Variants in C5orf22 observed in about 807,000 individuals in gnomAD.
C5orf22 encodes the protein chromosome 5 open reading frame 22, also known as UPF0489 protein C5orf22.
Under a neutral mutation model 48.7 loss-of-function variants are expected in C5orf22, and 36 were observed. The ratio of observed to expected loss-of-function variants is 0.74; its 90% CI spans 0.57 to 0.98. The LOEUF (loss-of-function observed/expected upper bound fraction) is 0.98. C5orf22 is among the 50% of genes least tolerant of loss of function. The probability of loss-of-function intolerance (pLI) is 0.00; values close to 1 mark genes in which losing one functional copy is unlikely to be tolerated. For missense variants in C5orf22, 486 were observed against 521.9 expected (o/e 0.93, Z 0.67); for synonymous variants, 141 against 180.8 (o/e 0.78, Z 1.76).
rs750859772 is a variant in C5orf22 at position 31,551,293 on chromosome 5, G to C, written c.1060G>C (p.Val354Leu). 2 of 1,612,458 alleles carry C rather than the reference G, an allele frequency of 1.2e-6. No individual in the cohort carries two copies. The highest frequency in any genetic ancestry group is 1.7e-6 in the Non-Finnish European group (2 of 1,179,580). ...KRMEVPDYEM[V>L]HQAGLTCDYS... ...TAATTTTTAATTGTCTTATTTTCAG[G>C]TTCACCAGGCTGGTTTAACCTGCGA... The change falls in exon 8 of 9, where the codon GTT (valine) becomes CTT (leucine). Residue 354 changes from valine to leucine, a missense_variant and splice_region_variant. By Grantham distance (32) the Val-to-Leu change is conservative. Transcript: ENST00000325366.
At position 31,554,256 on chromosome 5, in the gene C5orf22, G is replaced by A. The variant is rs575651719; in HGVS notation, c.*1354G>A. On this transcript the variant is annotated 3_prime_UTR_variant, in exon 9 of 9. Coordinates refer to ENST00000325366, the MANE Select transcript of C5orf22 (RefSeq NM_018356.3). ...TTTTCACTCTTGCTTGTAACTTTCA[G>A]GCCTTACCCACATGTGTTCCTATAG... The A allele has an allele frequency of 6.6e-6, 1 of 152,244 alleles. No individual in the cohort carries two copies. The highest frequency in any genetic ancestry group is 1.5e-5 in the Non-Finnish European group (1 of 68,024). 9.4% of individuals were successfully genotyped at this position (152,244 alleles called of 1,614,324 possible). A position where few individuals can be genotyped will look rare whatever the true frequency, so the allele number is the denominator to read the frequency against.
chr5:31,552,453 C>A (rs548202758), intron 8 of C5orf22, among the ~76,000 whole-genome samples: 99 of 152,318 alleles, frequency 6.5e-4, no homozygotes, highest in African/African-American at 2.3e-3. Flanking sequence ...CAACATCTCA[C>A]TTTCAGGCAA....
intron 6 of C5orf22, 138 bp downstream of exon 6, chr5:31,541,540 G>A (rs1742470921): frequency 1.2e-6 from 1 of 824,786 alleles, no homozygotes; most frequent in African/African-American, 1.7e-5. Context: ...AGGACCACTT[G>A]AGGCCAGGAG....
chr5:31,534,521 G>T, intron 2 of C5orf22, 104 bp downstream of exon 2: 1 of 1,054,704 alleles, frequency 9.5e-7, no homozygotes, highest in Non-Finnish European at 1.4e-6. Flanking sequence ...TGGGTTTGGG[G>T]GTTTTTTGTT....
chr5:31,541,462 C>G, intron 6 of C5orf22, 60 bp downstream of exon 6: 2 of 1,561,760 alleles, frequency 1.3e-6, no homozygotes, highest in Non-Finnish European at 1.7e-6. Flanking sequence ...TAGATATGTT[C>G]CTAAATTTGC....
At chr5:31,550,804 C>T (rs1225119527) in intron 7 of C5orf22, among the ~76,000 whole-genome samples, 10 of 152,206 alleles carry the variant, frequency 6.6e-5, no homozygotes, top group Non-Finnish European at 8.8e-5. Flanking sequence ...TCAGGTGATC[C>T]GCCTGTCTCA....
chr5:31,542,780 T>C (rs1212883149), intron 6 of C5orf22, among the ~76,000 whole-genome samples: 1 of 152,204 alleles, frequency 6.6e-6, no homozygotes, highest in Non-Finnish European at 1.5e-5. Flanking sequence ...AGACAAACTT[T>C]TTGTCCCCAT....
chr5:31,533,015 C>T (rs1741709066), intron 1 of C5orf22, among the ~76,000 whole-genome samples: 1 of 152,008 alleles, frequency 6.6e-6, no homozygotes, highest in East Asian at 1.9e-4. Context: ...AGTGCAGTGG[C>T]GCGATCTCGG....
chr5:31,536,802 T>C (rs902393624), intron 3 of C5orf22, among the ~76,000 whole-genome samples: 1 of 152,196 alleles, frequency 6.6e-6, no homozygotes, highest in Non-Finnish European at 1.5e-5. Flanking sequence ...AATATCAATA[T>C]GTTCTTGACT....
At chr5:31,541,117 TG>T in intron 5 of C5orf22, 106 bp downstream of exon 5, 1 of 810,028 alleles carries the variant, frequency 1.2e-6, no homozygotes, top group Middle Eastern at 3.5e-4. Flanking sequence ...TGTGTGTGTG[TG>T]TGTGTGTGTG....
intron 7 of C5orf22, among the ~76,000 whole-genome samples, chr5:31,550,001 G>A (rs966985643): frequency 6.6e-6 from 1 of 152,072 alleles, no homozygotes; most frequent in South Asian, 2.1e-4. Flanking sequence ...TTTTTGGGGG[G>A]CAGGGAATGG....
At chr5:31,543,750 T>G (rs1442563799) in intron 6 of C5orf22, among the ~76,000 whole-genome samples, 4 of 152,104 alleles carry the variant, frequency 2.6e-5, no homozygotes, top group African/African-American at 9.7e-5. Flanking sequence ...AGTCTCAAGC[T>G]AAGTTTAAAA....
Position 31,552,997 on chromosome 5 carries a change from T to C in C5orf22, c.*95T>C. 9.3e-7 allele frequency: 1 copy of C among 1,072,070 alleles called. No homozygotes were observed. The highest frequency in any genetic ancestry group is 2.5e-5 in the East Asian group (1 of 40,606). The allele number at this position is 1,072,070 out of a possible 1,614,324, so 66.4% of individuals were successfully genotyped here. ...ATGAGTCTTCCAGAGAACACTGTTT[T>C]ATATTAACTTTCAGTTGAAATCTTT... On this transcript the variant is annotated 3_prime_UTR_variant, in exon 9 of 9. Transcript: ENST00000325366.
intron 4 of C5orf22, among the ~76,000 whole-genome samples, chr5:31,540,538 G>C (rs1580444410): frequency 6.6e-6 from 1 of 152,114 alleles, no homozygotes; most frequent in Non-Finnish European, 1.5e-5. Flanking sequence ...GTTCTTTGTT[G>C]TTGTTATTAA....
intron 4 of C5orf22, among the ~76,000 whole-genome samples, chr5:31,539,007 A>G (rs1445552345): frequency 6.6e-6 from 1 of 152,222 alleles, no homozygotes; most frequent in Non-Finnish European, 1.5e-5. Context: ...CATACAGTAC[A>G]GGTATATACA....
At position 31,552,760 on chromosome 5, in the gene C5orf22, C is replaced by A. The variant is rs1743361738; in HGVS notation, c.1200-13C>A. 6.2e-7 allele frequency: 1 copy of A among 1,609,600 alleles called. No individual in the cohort carries two copies. Among genetic ancestry groups the A allele is most frequent in the Non-Finnish European group, 8.5e-7 (1 of 1,177,722 alleles). ...ATGTGTATTTTTCTTCTTTCTCTTT[C>A]TGTTGGTTCTAGGTCAAGTCTGGAT... On this transcript the variant is annotated splice_polypyrimidine_tract_variant and intron_variant, in intron 8 of 8. Coordinates refer to ENST00000325366, the MANE Select transcript of C5orf22 (RefSeq NM_018356.3).
At position 31,540,972 on chromosome 5, in the gene C5orf22, G is replaced by C; in HGVS notation, c.831G>C (p.Glu277Asp). ...FTQEEYKILQ[E>D]LYQFKKPGTN... ...AGGAAGAGTACAAAATCTTACAAGA[G>C]CTGTACCAATTTAAGAAACCTGGCA... The change falls in exon 5 of 9, where the codon GAG becomes GAC. Residue 277 changes from glutamate to aspartate, a missense_variant. Physicochemically the swap from Glu to Asp is conservative, Grantham distance 45 (BLOSUM62 2). Transcript: ENST00000325366. 3.7e-6 allele frequency: 6 copies of C among 1,612,470 alleles called. No individual in the cohort carries two copies. Among genetic ancestry groups the C allele is most frequent in the Non-Finnish European group, 5.1e-6 (6 of 1,179,042 alleles).
Position 31,532,461 on chromosome 5 carries a change from G to A in C5orf22, c.69G>A (p.Glu23=), listed in dbSNP as rs555834870. Residue 23 remains glutamate (E), a synonymous_variant, in exon 1 of 9, where the codon GAG becomes GAA. Coordinates refer to ENST00000325366, the MANE Select transcript of C5orf22 (RefSeq NM_018356.3). ...CCAAGCTCCCAGTGTGGGTGGTGGA[G>A]GATCATCAGGAGGTGAGCGGACGGC... ...RYPKLPVWVV[E]DHQEVLPFIY... 4.1e-4 allele frequency: 661 copies of A among 1,613,796 alleles called. 9 individuals carry two copies. The South Asian group carries it at 7.0e-3, about 17-fold the overall frequency.
chr5:31,554,018 T>A lies in C5orf22; in HGVS notation c.*1116T>A, dbSNP rs906981532. 2 of 152,180 alleles carry A rather than the reference T, an allele frequency of 1.3e-5. No homozygotes were observed. The highest frequency in any genetic ancestry group is 2.9e-5 in the Non-Finnish European group (2 of 68,030). 9.4% of individuals were successfully genotyped at this position (152,180 alleles called of 1,614,324 possible). ...CATAAATACCCAAAGATATAAACTGTCTTCCACCACCCCCCTCATAACTAA... is the reference window on the plus strand; with the variant it reads ...CATAAATACCCAAAGATATAAACTGACTTCCACCACCCCCCTCATAACTAA... On this transcript the variant is annotated 3_prime_UTR_variant, in exon 9 of 9. Coordinates refer to ENST00000325366, the MANE Select transcript of C5orf22 (RefSeq NM_018356.3).
Sources: allele counts gnomAD v4.1 joint callset (sites outside exome capture counted in the v4.1 genomes callset), GRCh38; gene constraint gnomAD v4.1.1; transcripts MANE v1.5; gene names NCBI Gene and HGNC (gene_info 2026-07-23, HGNC 2026-07-21).